TMEFF1: variants seen among roughly 807,000 people sequenced by gnomAD.
TMEFF1 encodes tomoregulin-1.
A neutral mutation model predicts 47.5 loss-of-function variants in TMEFF1; 20 were observed. The ratio of observed to expected loss-of-function variants is 0.42; its 90% CI spans 0.30 to 0.61. The LOEUF is 0.61. TMEFF1 is among the 20% of genes least tolerant of loss of function. The probability of loss-of-function intolerance (pLI) is 0.19; values close to 1 mark genes in which losing one functional copy is unlikely to be tolerated. For missense variants in TMEFF1, 411 were observed against 471.1 expected, an observed-to-expected ratio of 0.87 and a Z score of 1.18; for synonymous variants, 162 against 166.3, an observed-to-expected ratio of 0.97 and a Z score of 0.20.
At chr9:100,507,329 A>T (rs765851710) in intron 2 of TMEFF1, among the ~76,000 whole-genome samples, 3 of 152,054 alleles carry the variant, frequency 2.0e-5, no homozygotes, top group East Asian at 3.9e-4. Context: ...ATATGGGTGC[A>T]TGTGTCTTTT....
chr9:100,544,273 A>G (rs1838692672), intron 5 of TMEFF1, among the ~76,000 whole-genome samples: 1 of 152,092 alleles, frequency 6.6e-6, no homozygotes, highest in Admixed American at 6.5e-5. Flanking sequence ...ACACTGGGCA[A>G]TTTGCAAAAG....
At position 100,546,546 on chromosome 9, in the gene TMEFF1, G is replaced by T. The variant is rs537628536; in HGVS notation, c.561-1198G>T. Among the ~76,000 whole-genome samples the T allele has an allele frequency of 2.0e-5, 3 of 152,156 alleles. No individual in the cohort carries two copies. The South Asian group carries it at 6.2e-4, about 32-fold the overall frequency. On this transcript the variant is annotated intron_variant, in intron 5 of 9. Transcript: ENST00000374879. ...TCAGGCCTGCAAAGCCAAAAAATTG[G>T]TAATTGAATTTACCCAGTTTGGCAA...
At chr9:100,516,607 A>C in intron 4 of TMEFF1, 68 bp from the exon 5 acceptor site, 1 of 1,565,910 alleles carries the variant, frequency 6.4e-7, no homozygotes, top group Non-Finnish European at 8.6e-7. Flanking sequence ...ATGACTGCTG[A>C]AAACATGAAG....
intron 1 of TMEFF1, among the ~76,000 whole-genome samples, chr9:100,475,244 C>T (rs1232666137): frequency 6.6e-6 from 1 of 152,100 alleles, no homozygotes; most frequent in Admixed American, 6.5e-5. Context: ...CTTTGGCCCG[C>T]TATTTAGGTT....
chr9:100,532,981 C>T lies in TMEFF1; in HGVS notation c.561-14763C>T, dbSNP rs1055966843. Among the ~76,000 whole-genome samples, 9 of 151,060 alleles carry T rather than the reference C, an allele frequency of 6.0e-5. No individual in the cohort carries two copies. The South Asian group carries it at 8.3e-4, about 14-fold the overall frequency. On this transcript the variant is annotated intron_variant, in intron 5 of 9. Coordinates refer to ENST00000374879, the MANE Select transcript of TMEFF1 (RefSeq NM_003692.5). ...GAAATCATCATTGTCAGTAAACTAT[C>T]GCAAGAACAAAAAACAAAACACTGC...
intron 1 of TMEFF1, among the ~76,000 whole-genome samples, chr9:100,479,380 G>A (rs1024983993): frequency 6.6e-6 from 1 of 152,136 alleles, no homozygotes; most frequent in African/African-American, 2.4e-5. Context: ...AGCATTTATT[G>A]AGCACGAACA....
At chr9:100,512,615 G>T (rs1837988944) in intron 3 of TMEFF1, among the ~76,000 whole-genome samples, 2 of 152,094 alleles carry the variant, frequency 1.3e-5, no homozygotes, top group Non-Finnish European at 2.9e-5. Flanking sequence ...CTAATATGTT[G>T]GTTCCTTTAG....
chr9:100,506,504 G>A (rs1837863860), intron 2 of TMEFF1, among the ~76,000 whole-genome samples: 1 of 151,952 alleles, frequency 6.6e-6, no homozygotes, highest in Non-Finnish European at 1.5e-5. Context: ...AGTGGCTTAC[G>A]CCTGTAATCC....
chr9:100,513,363 T>C, intron 4 of TMEFF1, 30 bp downstream of exon 4: 1 of 1,556,246 alleles, frequency 6.4e-7, no homozygotes, highest in South Asian at 1.3e-5. Flanking sequence ...TAAAGGATAT[T>C]TGCTTTTCTT....
chr9:100,499,588 TG>T (rs1404438154), intron 2 of TMEFF1, among the ~76,000 whole-genome samples: 1 of 152,120 alleles, frequency 6.6e-6, no homozygotes, highest in Non-Finnish European at 1.5e-5. Flanking sequence ...ACCCACCATT[TG>T]GGTTTTGAGG....
intron 8 of TMEFF1, among the ~76,000 whole-genome samples, chr9:100,571,613 C>T (rs1839241284): frequency 6.6e-6 from 1 of 151,936 alleles, no homozygotes; most frequent in Non-Finnish European, 1.5e-5. Flanking sequence ...GGGACTAGTT[C>T]CGTACAAGAC....
Position 100,577,183 on chromosome 9 carries a change from A to G in TMEFF1, c.*583A>G, listed in dbSNP as rs1307010678. ...AATAGTCCTAATAATTTGAACAAAT[A>G]TGTTAGTAATGATGGAACAGATCAA... On this transcript the variant is annotated 3_prime_UTR_variant, in exon 10 of 10. Coordinates refer to ENST00000374879, the MANE Select transcript of TMEFF1 (RefSeq NM_003692.5). 1 of 152,678 alleles carries G rather than the reference A, an allele frequency of 6.5e-6. No homozygotes were observed. The highest frequency in any genetic ancestry group is 1.5e-5 in the Non-Finnish European group (1 of 68,050). 9.5% of individuals were successfully genotyped at this position (152,678 alleles called of 1,614,324 possible).
intron 1 of TMEFF1, among the ~76,000 whole-genome samples, chr9:100,477,922 C>T (rs78361191): frequency 0.023 from 3,491 of 152,216 alleles, 147 homozygotes; most frequent in African/African-American, 0.08. Context: ...CCACTGCGCC[C>T]GGCCTGCATT....
At chr9:100,489,288 G>C (rs1837507146) in intron 1 of TMEFF1, among the ~76,000 whole-genome samples, 1 of 151,942 alleles carries the variant, frequency 6.6e-6, no homozygotes, top group South Asian at 2.1e-4. Flanking sequence ...GCTCACTGCA[G>C]CCTTGACCTC....
At chr9:100,483,596 T>C (rs1837384448) in intron 1 of TMEFF1, among the ~76,000 whole-genome samples, 1 of 152,240 alleles carries the variant, frequency 6.6e-6, no homozygotes, top group Non-Finnish European at 1.5e-5. Context: ...AGAAGAGTTA[T>C]TTCCTTGACT....
At chr9:100,541,861 A>T (rs1838639666) in intron 5 of TMEFF1, among the ~76,000 whole-genome samples, 1 of 152,182 alleles carries the variant, frequency 6.6e-6, no homozygotes, top group African/African-American at 2.4e-5. Context: ...AAATATAACC[A>T]TACGAGGTTT....
At chr9:100,512,480 A>T (rs1397897001) in intron 3 of TMEFF1, among the ~76,000 whole-genome samples, 1 of 152,148 alleles carries the variant, frequency 6.6e-6, no homozygotes, top group Non-Finnish European at 1.5e-5. Context: ...TTTAGGATCC[A>T]GGGTATCCTC....
At chr9:100,539,065 C>T (rs1485974101) in intron 5 of TMEFF1, among the ~76,000 whole-genome samples, 3 of 152,142 alleles carry the variant, frequency 2.0e-5, no homozygotes, top group African/African-American at 7.2e-5. Context: ...TACCACCATG[C>T]CCGGCTAATT....
At position 100,473,674 on chromosome 9, in the gene TMEFF1, C is replaced by G. The variant is rs199581308; in HGVS notation, c.130C>G (p.Pro44Ala). 1.9e-3 allele frequency: 2,975 copies of G among 1,543,100 alleles called. 2 individuals carry two copies. The highest frequency in any genetic ancestry group is 3.9e-3 in the Middle Eastern group (23 of 5,866). ...LPGSRASNQPPGGGGGSGGDC... is the reference protein window; with the variant it reads ...LPGSRASNQPAGGGGGSGGDC... ...CGGGAGCCGCGCGTCCAACCAGCCC[C>G]CGGGTGGTGGCGGCGGCAGCGGCGG... Residue 44 changes from proline to alanine, a missense_variant, in exon 1 of 10, where the codon CCG (proline) becomes GCG (alanine). By Grantham distance (27) the Pro-to-Ala change is conservative. Transcript: ENST00000374879. This position sits in a 1 kb window ranked among gnomAD's most constrained non-coding sequence, Gnocchi z 5.4.
Sources: gnomAD v4.1 joint callset for allele counts (sites outside exome capture counted in the v4.1 genomes callset) on GRCh38, gnomAD v4.1.1 for gene constraint, Gnocchi (gnomAD v3.1) non-coding constraint, MANE v1.5 for transcripts, NCBI Gene and HGNC (gene_info 2026-07-23, HGNC 2026-07-21) for gene names.